Variants in DCTD observed in about 807,000 individuals in gnomAD.
The protein encoded by DCTD is dCMP deaminase.
In DCTD, 23 loss-of-function variants were observed where a neutral mutation model predicts 21.0. That is an observed-to-expected ratio of 1.09 (90% CI 0.79 to 1.55). DCTD has a LOEUF of 1.55. DCTD is among the 40% of genes most tolerant of loss of function. DCTD has a pLI of 0.00. For missense variants in DCTD, 224 were observed against 230.0 expected, an observed-to-expected ratio of 0.97 and a Z score of 0.17; for synonymous variants, 71 against 81.1, an observed-to-expected ratio of 0.88 and a Z score of 0.67.
Position 182,917,193 on chromosome 4 carries a change from C to T in DCTD, c.-8+118G>A. 1 of 991,900 alleles carries T rather than the reference C, an allele frequency of 1.0e-6. No individual in the cohort carries two copies. Among genetic ancestry groups the T allele is most frequent in the African/African-American group, 1.7e-5 (1 of 57,298 alleles). The allele number at this position is 991,900 out of a possible 1,614,324, so 61.4% of individuals were successfully genotyped here. A position where few individuals can be genotyped will look rare whatever the true frequency, so the allele number is the denominator to read the frequency against. Reference sequence around the variant, plus strand: ...GCGCGGCCGAGGCGCCCCCAGCGTCCGCGGCCCCAGGCCCCCGCCCGGCAG... The same window carrying T: ...GCGCGGCCGAGGCGCCCCCAGCGTCTGCGGCCCCAGGCCCCCGCCCGGCAG... On this transcript the variant is annotated intron_variant, in intron 1 of 5. Coordinates refer to ENST00000438320, the MANE Select transcript of DCTD (RefSeq NM_001921.3). The surrounding 1 kb of genome is among the most constrained non-coding windows in gnomAD (Gnocchi z 4.9).
At chr4:182,906,593 G>A (rs1579739972) in intron 3 of DCTD, among the ~76,000 whole-genome samples, 1 of 152,288 alleles carries the variant, frequency 6.6e-6, no homozygotes, top group East Asian at 1.9e-4. Flanking sequence ...ATCACCAGCA[G>A]ACAACTGAAA....
At position 182,893,015 on chromosome 4, in the gene DCTD, C is replaced by T. The variant is rs1325675463; in HGVS notation, c.458+16G>A. The T allele has an allele frequency of 6.4e-7, 1 of 1,558,812 alleles. No individual in the cohort carries two copies. The stretch of plus-strand genomic sequence containing the variant: ...TCACCCTACCCCGTCCCCCCGCCCG[C>T]ATTCTCCCCACTTACCGGAATGTCA... On this transcript the variant is annotated intron_variant, in intron 5 of 5. Transcript: ENST00000438320.
chr4:182,906,795 T>C (rs529353364), intron 3 of DCTD, among the ~76,000 whole-genome samples: 1 of 152,364 alleles, frequency 6.6e-6, no homozygotes, highest in South Asian at 2.1e-4. Context: ...TATTCAATAT[T>C]TTAAATTTAC....
rs778939354 is a variant in DCTD at position 182,894,551 on chromosome 4, C to G, written c.299G>C (p.Gly100Ala). ...GAACAAGGCAACATACATACTACAGCCTTTCACATCGGTCGAATTTTTGTT... is the reference window on the plus strand; with the variant it reads ...GAACAAGGCAACATACATACTACAGGCTTTCACATCGGTCGAATTTTTGTT... ...IMNKNSTDVK[G>A]CSMYVALFPC... Residue 100 changes from glycine to alanine, a missense_variant, in exon 4 of 6, where the codon GGC (glycine) becomes GCC (alanine). Coordinates refer to ENST00000438320, the MANE Select transcript of DCTD (RefSeq NM_001921.3). 7 of 1,614,050 alleles carry G rather than the reference C, an allele frequency of 4.3e-6. No individual in the cohort carries two copies. In the Admixed American group the frequency reaches 5.0e-5, roughly 12 times the overall value.
At chr4:182,896,175 CACTT>C (rs1445309404) in intron 3 of DCTD, among the ~76,000 whole-genome samples, 4 of 152,202 alleles carry the variant, frequency 2.6e-5, no homozygotes, top group Non-Finnish European at 5.9e-5. Context: ...AGTCCCGACT[CACTT>C]GCTTCATCGA....
rs1319966525 is a variant in DCTD, at chr4:182,890,653, A to G, written c.*746T>C. 1 of 152,230 alleles carries G rather than the reference A, an allele frequency of 6.6e-6. No individual in the cohort carries two copies. The highest frequency in any genetic ancestry group is 1.9e-4 in the East Asian group (1 of 5,188). The allele number at this position is 152,230 out of a possible 1,614,324, so 9.4% of individuals were successfully genotyped here. ...AGGCTGTCTCCTCTAGGAACAACTC[A>G]TTATTCAGCTAAACGAAATGGAAGA... On this transcript the variant is annotated 3_prime_UTR_variant, in exon 6 of 6. Coordinates refer to ENST00000438320, the MANE Select transcript of DCTD (RefSeq NM_001921.3).
At chr4:182,903,868 T>C (rs1736186287) in intron 3 of DCTD, among the ~76,000 whole-genome samples, 1 of 152,108 alleles carries the variant, frequency 6.6e-6, no homozygotes, top group Non-Finnish European at 1.5e-5. Context: ...AGCCTCAGCC[T>C]CCGGACCTAA....
intron 3 of DCTD, among the ~76,000 whole-genome samples, chr4:182,897,519 T>C (rs1734953233): frequency 1.3e-5 from 2 of 150,840 alleles, no homozygotes; most frequent in South Asian, 2.1e-4. Context: ...TATATATATA[T>C]ATATATTTAC....
At chr4:182,900,776 T>G (rs1290247193) in intron 3 of DCTD, among the ~76,000 whole-genome samples, 1 of 151,912 alleles carries the variant, frequency 6.6e-6, no homozygotes, top group East Asian at 1.9e-4. Context: ...ATGCTGAAAA[T>G]ATCAGATTAA....
At chr4:182,899,776 G>A (rs2152857323) in intron 3 of DCTD, among the ~76,000 whole-genome samples, 1 of 152,252 alleles carries the variant, frequency 6.6e-6, no homozygotes, top group Non-Finnish European at 1.5e-5. Flanking sequence ...GAAATCTGGT[G>A]TCTAGCCATA....
intron 3 of DCTD, among the ~76,000 whole-genome samples, chr4:182,910,500 T>A (rs920993008): frequency 3.9e-5 from 6 of 152,202 alleles, no homozygotes; most frequent in African/African-American, 1.2e-4. Context: ...AAATGTCAAC[T>A]GAATACTTCA....
chr4:182,915,043 C>T lies in DCTD; in HGVS notation c.124G>A (p.Val42Met), dbSNP rs202145611. 1.9e-4 allele frequency: 312 copies of T among 1,614,102 alleles called. No homozygotes were observed. Among genetic ancestry groups the T allele is most frequent in the Non-Finnish European group, 2.6e-4 (303 of 1,180,050 alleles). The change falls in exon 3 of 6, where the codon GTG (valine) becomes ATG (methionine). Residue 42 changes from valine (V) to methionine (M), a missense_variant. By Grantham distance (21) the Val-to-Met change is conservative. Coordinates refer to ENST00000438320, the MANE Select transcript of DCTD (RefSeq NM_001921.3). ...CCGACAATCTTGTTTTCTGAATTCACGATGCAGGCGCCGACCTAGAAGGAA... is the reference window on the plus strand; with the variant it reads ...CCGACAATCTTGTTTTCTGAATTCATGATGCAGGCGCCGACCTAGAAGGAA... ...DPNSQVGACI[V>M]NSENKIVGIG...
At chr4:182,904,365 C>T (rs899670325) in intron 3 of DCTD, among the ~76,000 whole-genome samples, 4 of 152,224 alleles carry the variant, frequency 2.6e-5, no homozygotes, top group Non-Finnish European at 5.9e-5. Flanking sequence ...ATGTGAAATG[C>T]ACACGTGATG....
chr4:182,892,375 T>C (rs1039501881), intron 5 of DCTD, among the ~76,000 whole-genome samples: 1 of 152,158 alleles, frequency 6.6e-6, no homozygotes, highest in Non-Finnish European at 1.5e-5. Context: ...ATGCAAAATG[T>C]TGCTGTAAAA....
chr4:182,902,854 T>G (rs967007335), intron 3 of DCTD, among the ~76,000 whole-genome samples: 1 of 152,180 alleles, frequency 6.6e-6, no homozygotes, highest in African/African-American at 2.4e-5. Flanking sequence ...ACAGTAGGAC[T>G]GCTGAAGGAG....
intron 3 of DCTD, among the ~76,000 whole-genome samples, chr4:182,902,736 G>A (rs1002578527): frequency 2.0e-5 from 3 of 152,216 alleles, no homozygotes; most frequent in Admixed American, 6.5e-5. Context: ...GGCTGGGTGT[G>A]TGGGCTGCGG....
intron 3 of DCTD, among the ~76,000 whole-genome samples, chr4:182,905,835 A>G (rs1736614372): frequency 6.6e-6 from 1 of 152,152 alleles, no homozygotes; most frequent in South Asian, 2.1e-4. Flanking sequence ...GGGAGCGCTC[A>G]TGGGCACCTC....
chr4:182,890,808 C>T lies in DCTD; in HGVS notation c.*591G>A, dbSNP rs949810400. On this transcript the variant is annotated 3_prime_UTR_variant, in exon 6 of 6. Transcript: ENST00000438320. ...GGAGGAAATATTCCTGGTTCAGTTACACTCCTCGTCTGTCAGGACAGATGT... is the reference window on the plus strand; with the variant it reads ...GGAGGAAATATTCCTGGTTCAGTTATACTCCTCGTCTGTCAGGACAGATGT... 1.3e-5 allele frequency: 2 copies of T among 152,398 alleles called. No individual in the cohort carries two copies. The highest frequency in any genetic ancestry group is 4.8e-5 in the African/African-American group (2 of 41,450). The allele number at this position is 152,398 out of a possible 1,614,324, so 9.4% of individuals were successfully genotyped here.
intron 3 of DCTD, among the ~76,000 whole-genome samples, chr4:182,901,773 G>A (rs372632649): frequency 1.2e-4 from 17 of 142,592 alleles, no homozygotes; most frequent in African/African-American, 4.8e-4. Context: ...GTTGACCTGT[G>A]CATTAAAAAA....
Sources: gnomAD v4.1 joint callset for allele counts (sites outside exome capture counted in the v4.1 genomes callset) on GRCh38, gnomAD v4.1.1 for gene constraint, Gnocchi (gnomAD v3.1) non-coding constraint, MANE v1.5 for transcripts, NCBI Gene and HGNC (gene_info 2026-07-23, HGNC 2026-07-21) for gene names.